The following ZC3HC1 variants were observed in gnomAD, a reference collection of about 807,000 sequenced individuals.
ZC3HC1 encodes zinc finger C3HC-type containing 1, also known as zinc finger C3HC-type protein 1.
A neutral mutation model predicts 61.9 loss-of-function variants in ZC3HC1; 38 were observed. That is an observed-to-expected ratio of 0.61 (90% confidence interval 0.47 to 0.81). The LOEUF (loss-of-function observed/expected upper bound fraction) is 0.81, where lower values mean the gene tolerates loss of function less well. Among genes scored for constraint, ZC3HC1 ranks in the 30% least tolerant of loss-of-function variants. ZC3HC1 has a pLI of 0.00. For synonymous variants in ZC3HC1, 213 were observed against 229.9 expected, an observed-to-expected ratio of 0.93 and a Z score of 0.67; for missense variants, 554 against 622.7, an observed-to-expected ratio of 0.89 and a Z score of 1.17.
intron 4 of ZC3HC1, chr7:130,036,524 T>A (rs1794439308): frequency 1.3e-5 from 2 of 152,044 alleles, no homozygotes; most frequent in Admixed American, 6.6e-5. Flanking sequence ...ATCGCGCCAC[T>A]GCACTCTAGC....
intron 2 of ZC3HC1, 22 bp downstream of exon 2, chr7:130,049,011 C>A: frequency 6.4e-7 from 1 of 1,570,576 alleles, no homozygotes; most frequent in Non-Finnish European, 8.7e-7. Flanking sequence ...AAGTGCAATT[C>A]ACATGAACTA....
intron 9 of ZC3HC1, among the ~76,000 whole-genome samples, chr7:130,020,277 T>TC (rs910908694): frequency 6.6e-6 from 1 of 150,394 alleles, no homozygotes; most frequent in Non-Finnish European, 1.5e-5. Flanking sequence ...CTTTTTTCTT[T>TC]TTTTTTTTTT....
intron 1 of ZC3HC1, among the ~76,000 whole-genome samples, chr7:130,050,225 G>C (rs903017306): frequency 2.6e-5 from 4 of 151,932 alleles, no homozygotes; most frequent in South Asian, 2.1e-4. Flanking sequence ...CTACAGGCGC[G>C]GGCCACCACG....
rs7811752 is a variant in ZC3HC1 at position 130,046,011 on chromosome 7, G to A, written c.258+3022C>T. ...TCATGTCCTTTGCAGGGATGTGGAT[G>A]AAGCTGGAAGCCACTATCCTCAGCA... is the stretch of plus-strand genomic sequence containing the variant. On this transcript the variant is annotated intron_variant, in intron 2 of 9. Coordinates refer to ENST00000358303, the MANE Select transcript of ZC3HC1 (RefSeq NM_016478.5). Among the ~76,000 whole-genome samples, 470 of 151,798 alleles carry A rather than the reference G, an allele frequency of 3.1e-3. 3 individuals carry two copies. The highest frequency in any genetic ancestry group is 0.011 in the African/African-American group (443 of 41,408).
At chr7:130,051,155 G>A (rs1048314780) in intron 1 of ZC3HC1, 66 bp downstream of exon 1, 2 of 1,524,088 alleles carry the variant, frequency 1.3e-6, no homozygotes, top group East Asian at 4.9e-5. Context: ...CCCCCAACCC[G>A]CCACCCCTTC....
intron 9 of ZC3HC1, among the ~76,000 whole-genome samples, chr7:130,020,329 G>A (rs1793586055): frequency 1.3e-5 from 2 of 148,768 alleles, no homozygotes; most frequent in Non-Finnish European, 3.0e-5. Context: ...CTGGAGTGTA[G>A]TAGTGCGATC....
chr7:130,032,767 A>AGGAGGGAAGGGAG (rs1364144893), intron 4 of ZC3HC1, among the ~76,000 whole-genome samples: 1 of 95,524 alleles, frequency 1.0e-5, no homozygotes. Flanking sequence ...GGGGAAGGGA[A>AGGAGGGAAGGGAG]GGAGGGAAGG....
Position 130,049,072 on chromosome 7 carries a change from T to C in ZC3HC1, c.219A>G (p.Thr73=), listed in dbSNP as rs143038692. 1 of 1,609,162 alleles carries C rather than the reference T, an allele frequency of 6.2e-7. No individual in the cohort carries two copies. The highest frequency in any genetic ancestry group is 8.5e-7 in the Non-Finnish European group (1 of 1,177,986). ...PQAEQPSLES[T]SKEAFFSRVE... is the part of the protein sequence containing the mutation. ...CTCTGCTAAAGAAGGCTTCTTTGCT[T>C]GTAGATTCCAATGAAGGTTGTTCCG... is the stretch of plus-strand genomic sequence containing the variant. Residue 73 remains threonine, a synonymous_variant, in exon 2 of 10, where the codon ACA becomes ACG. Coordinates refer to ENST00000358303, the MANE Select transcript of ZC3HC1 (RefSeq NM_016478.5).
At chr7:130,047,002 G>A (rs926154823) in intron 2 of ZC3HC1, among the ~76,000 whole-genome samples, 22 of 146,782 alleles carry the variant, frequency 1.5e-4, no homozygotes, top group East Asian at 8.1e-4. Context: ...CATTCCTGTC[G>A]CCCAGGCTGG....
At chr7:130,033,992 A>G (rs1446090549) in intron 4 of ZC3HC1, among the ~76,000 whole-genome samples, 1 of 152,138 alleles carries the variant, frequency 6.6e-6, no homozygotes, top group East Asian at 1.9e-4. Context: ...AAAACTGGAA[A>G]AGATATTTTT....
At position 130,023,796 on chromosome 7, in the gene ZC3HC1, A is replaced by T. The variant is rs911764407; in HGVS notation, c.1021-73T>A. On this transcript the variant is annotated intron_variant, in intron 7 of 9. Coordinates refer to ENST00000358303, the MANE Select transcript of ZC3HC1 (RefSeq NM_016478.5). This position sits in a 1 kb window ranked among gnomAD's most constrained non-coding sequence, Gnocchi z 4.2. ...TATGGTCAGAAATACTTCTTTCTTT[A>T]ATCTTTTTTCTTTTTTTTTTTGAGA... The T allele has an allele frequency of 1.5e-6, 2 of 1,321,590 alleles. No individual in the cohort carries two copies. The highest frequency in any genetic ancestry group is 3.9e-4 in the Middle Eastern group (2 of 5,144). 81.9% of individuals were successfully genotyped at this position (1,321,590 alleles called of 1,614,324 possible).
intron 1 of ZC3HC1, chr7:130,050,619 C>G: frequency 1.3e-6 from 1 of 799,338 alleles, no homozygotes; most frequent in Non-Finnish European, 1.9e-6. Context: ...GTAGTATTAG[C>G]AGTACCTGCT....
chr7:130,039,467 G>A lies in ZC3HC1; in HGVS notation c.490C>T (p.Pro164Ser). ...AGGAATTCTCAAAAATAAGTACCTG[G>A]GGATGGGCTGTCTGGCCAGAAACAG... Reference protein sequence around the residue: ...KFCFWPDSPSPDRFGMLPLDE... With the variant: ...KFCFWPDSPSSDRFGMLPLDE... The change falls in exon 4 of 10, where the codon CCA becomes TCA. Residue 164 changes from proline (P) to serine (S), a missense_variant. Transcript: ENST00000358303. 1 of 1,611,280 alleles carries A rather than the reference G, an allele frequency of 6.2e-7. No individual in the cohort carries two copies.
intron 4 of ZC3HC1, chr7:130,037,055 G>A (rs538033729): frequency 4.7e-4 from 72 of 152,372 alleles, no homozygotes; most frequent in African/African-American, 1.6e-3. Context: ...AGAGGTCTCC[G>A]AGGTGGTAGC....
intron 2 of ZC3HC1, among the ~76,000 whole-genome samples, chr7:130,045,910 A>G (rs1040085920): frequency 2.6e-5 from 4 of 151,642 alleles, no homozygotes; most frequent in Non-Finnish European, 5.9e-5. Flanking sequence ...AAAAAAAAAA[A>G]AAGACATCAA....
intron 2 of ZC3HC1, among the ~76,000 whole-genome samples, chr7:130,044,422 A>C (rs562630897): frequency 1.1e-4 from 16 of 152,348 alleles, no homozygotes; most frequent in African/African-American, 3.8e-4. Context: ...AGATAAGCCG[A>C]GAACAACTTG....
chr7:130,020,757 G>C (rs1241665360), intron 9 of ZC3HC1, among the ~76,000 whole-genome samples: 1 of 151,976 alleles, frequency 6.6e-6, no homozygotes, highest in Non-Finnish European at 1.5e-5. Context: ...TTTCTTTTTC[G>C]TATGGCAGTG....
intron 2 of ZC3HC1, among the ~76,000 whole-genome samples, chr7:130,048,173 G>A (rs1252993938): frequency 7.4e-6 from 1 of 135,390 alleles, no homozygotes; most frequent in Non-Finnish European, 1.6e-5. Flanking sequence ...TTTTTGACAC[G>A]GAGTCTTGCT....
At chr7:130,028,793 A>C in intron 5 of ZC3HC1, 109 bp downstream of exon 5, 1 of 1,406,524 alleles carries the variant, frequency 7.1e-7, no homozygotes, top group Non-Finnish European at 9.6e-7. Flanking sequence ...GAGACAGACA[A>C]GCAGTTCTCT....
Sources: allele counts gnomAD v4.1 joint callset (sites outside exome capture counted in the v4.1 genomes callset), GRCh38; gene constraint gnomAD v4.1.1; non-coding constraint Gnocchi (gnomAD v3.1); transcripts MANE v1.5; gene names NCBI Gene and HGNC (gene_info 2026-07-23, HGNC 2026-07-21).